The following KLHL1 variants were observed in gnomAD, a reference collection of about 807,000 sequenced individuals.
The protein encoded by KLHL1 is kelch-like protein 1.
Under a neutral mutation model 77.7 loss-of-function variants are expected in KLHL1, and 47 were observed. The ratio of observed to expected loss-of-function variants is 0.60; its 90% confidence interval spans 0.48 to 0.77. The LOEUF is 0.77. Among genes scored for constraint, KLHL1 ranks in the 30% least tolerant of loss-of-function variants. The pLI is 0.00. For synonymous variants in KLHL1, 360 were observed against 325.2 expected, an observed-to-expected ratio of 1.11 and a Z score of -1.15; for missense variants, 925 against 910.8, an observed-to-expected ratio of 1.02 and a Z score of -0.20.
At position 70,036,260 on chromosome 13, in the gene KLHL1, C is replaced by T. The variant is rs552613437; in HGVS notation, c.498-60458G>A. Among the ~76,000 whole-genome samples, 79 of 151,770 alleles carry T rather than the reference C, an allele frequency of 5.2e-4. 1 individual carries two copies. In the Middle Eastern group the frequency reaches 0.01, roughly 20 times the overall value. On this transcript the variant is annotated intron_variant, in intron 1 of 10. Coordinates refer to ENST00000377844, the MANE Select transcript of KLHL1 (RefSeq NM_020866.3). ...TTTATTTATTATTTATTATTCCCTC[C>T]CACTTTTTAAAGTTTTATTATAAAC...
intron 1 of KLHL1, among the ~76,000 whole-genome samples, chr13:70,065,734 T>C (rs944602642): frequency 5.3e-5 from 8 of 152,152 alleles, no homozygotes; most frequent in African/African-American, 1.7e-4. Flanking sequence ...ACCAGAACAT[T>C]TGCAGTTTTA....
intron 1 of KLHL1, among the ~76,000 whole-genome samples, chr13:69,996,332 C>G (rs897693635): frequency 1.3e-5 from 2 of 151,588 alleles, no homozygotes; most frequent in South Asian, 2.1e-4. Flanking sequence ...TTTAAAAAAG[C>G]CTTGAAATAT....
chr13:69,841,000 T>G (rs1435141388), intron 5 of KLHL1, among the ~76,000 whole-genome samples: 1 of 151,928 alleles, frequency 6.6e-6, no homozygotes, highest in African/African-American at 2.4e-5. Context: ...CTGGCTCTCA[T>G]GAATTCTCAT....
chr13:69,856,060 A>G (rs1011326562), intron 5 of KLHL1, among the ~76,000 whole-genome samples: 1 of 150,896 alleles, frequency 6.6e-6, no homozygotes. Flanking sequence ...GTCTCTGCCC[A>G]GTTTGTGAGC....
intron 2 of KLHL1, among the ~76,000 whole-genome samples, chr13:69,964,308 T>C (rs1311963496): frequency 2.0e-5 from 3 of 152,160 alleles, no homozygotes; most frequent in Non-Finnish European, 1.5e-5. Flanking sequence ...TACAAAAGTA[T>C]TGGGGTTATG....
At chr13:70,009,981 G>T (rs1000744422) in intron 1 of KLHL1, among the ~76,000 whole-genome samples, 2 of 151,880 alleles carry the variant, frequency 1.3e-5, no homozygotes, top group African/African-American at 4.8e-5. Context: ...CCAAAGGAAA[G>T]GAGTAAGGAG....
At position 69,977,912 on chromosome 13, in the gene KLHL1, A is replaced by G. The variant is rs538038505; in HGVS notation, c.498-2110T>C. 2.6e-5 allele frequency among the ~76,000 whole-genome samples: 4 copies of G among 152,344 alleles called. No individual in the cohort carries two copies. The South Asian group carries it at 8.3e-4, about 32-fold the overall frequency. On this transcript the variant is annotated intron_variant, in intron 1 of 10. Coordinates refer to ENST00000377844, the MANE Select transcript of KLHL1 (RefSeq NM_020866.3). ...TTGACAGAGAAGCTTACCAAATTCT[A>G]TATCCACTGATATTACCTGTGTTCT... is the stretch of plus-strand genomic sequence containing the variant.
rs190126093 is a variant in KLHL1 at position 69,948,707 on chromosome 13, G to T, written c.818-8471C>A. Among the ~76,000 whole-genome samples the T allele has an allele frequency of 1.9e-3, 287 of 152,034 alleles. 2 individuals carry two copies. Among genetic ancestry groups the T allele is most frequent in the African/African-American group, 6.6e-3 (276 of 41,532 alleles). ...GAAGGAAAAAGTGAAGTTTATAGAA[G>T]AATATGTATCAATGTGGTTCTATTT... On this transcript the variant is annotated intron_variant, in intron 3 of 10. Transcript: ENST00000377844.
At chr13:70,083,828 T>C (rs1887453175) in intron 1 of KLHL1, among the ~76,000 whole-genome samples, 1 of 152,136 alleles carries the variant, frequency 6.6e-6, no homozygotes, top group Non-Finnish European at 1.5e-5. Context: ...TATACATATA[T>C]TTAAACACCA....
intron 7 of KLHL1, among the ~76,000 whole-genome samples, chr13:69,742,766 A>C (rs948324495): frequency 6.6e-6 from 1 of 152,190 alleles, no homozygotes; most frequent in Non-Finnish European, 1.5e-5. Flanking sequence ...ATTCATATGG[A>C]GGGATCGTGT....
At chr13:69,778,222 G>T (rs1017162195) in intron 7 of KLHL1, among the ~76,000 whole-genome samples, 1 of 152,002 alleles carries the variant, frequency 6.6e-6, no homozygotes, top group South Asian at 2.1e-4. Context: ...GGAAAACCTA[G>T]GTTAGTTATA....
intron 1 of KLHL1, among the ~76,000 whole-genome samples, chr13:70,050,066 A>C (rs1172128376): frequency 6.6e-6 from 1 of 152,012 alleles, no homozygotes; most frequent in Non-Finnish European, 1.5e-5. Context: ...TTTTACTGTA[A>C]AAATATTGCT....
At chr13:70,100,081 A>G (rs2137453292) in intron 1 of KLHL1, among the ~76,000 whole-genome samples, 1 of 152,160 alleles carries the variant, frequency 6.6e-6, no homozygotes, top group East Asian at 1.9e-4. Flanking sequence ...ACAAAAAAGC[A>G]TGCAAAGATT....
intron 1 of KLHL1, among the ~76,000 whole-genome samples, chr13:70,070,610 G>T (rs184986422): frequency 6.6e-6 from 1 of 152,078 alleles, no homozygotes; most frequent in Admixed American, 6.5e-5. Context: ...GAATGTTAAA[G>T]AAGTTATTCA....
intron 7 of KLHL1, among the ~76,000 whole-genome samples, chr13:69,763,931 T>A (rs534135857): frequency 6.6e-6 from 1 of 151,470 alleles, no homozygotes; most frequent in East Asian, 1.9e-4. Context: ...GAAGTAACCA[T>A]TTTTTTTTCT....
intron 6 of KLHL1, among the ~76,000 whole-genome samples, chr13:69,810,706 G>A (rs540643024): frequency 1.3e-5 from 2 of 151,602 alleles, no homozygotes; most frequent in South Asian, 2.1e-4. Context: ...AAATTGAACT[G>A]TACAAAGAAT....
chr13:69,797,017 CT>C (rs2138038761), intron 6 of KLHL1, 55 bp from the exon 7 acceptor site: 2 of 1,425,334 alleles, frequency 1.4e-6, no homozygotes, highest in East Asian at 4.6e-5. Flanking sequence ...AACAAACAGC[CT>C]GCCAAAGCAG....
rs1324246935 is a variant in KLHL1, at chr13:70,084,461, C to CTTTTTTTTTTTTTTTTT, written c.497+22741_497+22742insAAAAAAAAAAAAAAAAA. Among the ~76,000 whole-genome samples, 39 of 115,120 alleles carry CTTTTTTTTTTTTTTTTT rather than the reference C, an allele frequency of 3.4e-4. 6 individuals carry two copies. The highest frequency in any genetic ancestry group is 9.1e-4 in the Admixed American group (9 of 9,928). The allele number at this position is 115,120 out of a possible 152,430, so 75.5% of individuals were successfully genotyped here. A position where few individuals can be genotyped will look rare whatever the true frequency, so the allele number is the denominator to read the frequency against. ...GATATTTTCTAGTCTATTTCTTCTT[C>CTTTTTTTTTTTTTTTTT]TTCTTTTTTTTTTTTTGAGACGGAG... On this transcript the variant is annotated intron_variant, in intron 1 of 10. Transcript: ENST00000377844.
intron 9 of KLHL1, among the ~76,000 whole-genome samples, chr13:69,717,236 T>A (rs1037106568): frequency 1.3e-5 from 2 of 152,176 alleles, no homozygotes; most frequent in Non-Finnish European, 2.9e-5. Flanking sequence ...TTCTTGCTAT[T>A]TCTAATGATG....
Sources: allele counts gnomAD v4.1 joint callset (sites outside exome capture counted in the v4.1 genomes callset), GRCh38; gene constraint gnomAD v4.1.1; transcripts MANE v1.5; gene names NCBI Gene and HGNC (gene_info 2026-07-23, HGNC 2026-07-21).